CSTPP1: variants seen among roughly 807,000 people sequenced by gnomAD.
The protein encoded by CSTPP1 is UPF0705 protein C11orf49.
At chr11:47,070,087 AG>A in the CSTPP1 span, among the ~76,000 whole-genome samples, 1 of 152,154 alleles carries the variant, frequency 6.6e-6, no homozygotes, top group Non-Finnish European at 1.5e-5. Flanking sequence ...CATTCTCTAA[AG>A]TAGATCTACC....
At chr11:46,993,562 G>C in the CSTPP1 span, among the ~76,000 whole-genome samples, 1 of 151,872 alleles carries the variant, frequency 6.6e-6, no homozygotes, top group African/African-American at 2.4e-5. Context: ...GTTTTTGTCA[G>C]GTTTGTCAAA....
At chr11:46,948,626 G>A in the CSTPP1 span, among the ~76,000 whole-genome samples, 1 of 152,148 alleles carries the variant, frequency 6.6e-6, no homozygotes, top group Non-Finnish European at 1.5e-5. Flanking sequence ...CCCCAAGTGA[G>A]CTGCTTTTAT....
the CSTPP1 span, among the ~76,000 whole-genome samples, chr11:47,092,246 A>G: frequency 5.9e-4 from 90 of 152,300 alleles, no homozygotes; most frequent in Non-Finnish European, 1.2e-3. Flanking sequence ...AGCCTTTCCA[A>G]TGGCTGTAAA....
the CSTPP1 span, among the ~76,000 whole-genome samples, chr11:47,078,292 A>G: frequency 6.6e-6 from 1 of 152,224 alleles, no homozygotes; most frequent in Non-Finnish European, 1.5e-5. Context: ...CAAGAGAACC[A>G]TTTTAGTTGA....
chr11:46,998,074 AC>A, the CSTPP1 span, among the ~76,000 whole-genome samples: 1 of 151,740 alleles, frequency 6.6e-6, no homozygotes, highest in African/African-American at 2.4e-5. Context: ...GAGATCCATT[AC>A]CCTCTTCAAA....
the CSTPP1 span, among the ~76,000 whole-genome samples, chr11:47,128,938 A>T: frequency 6.6e-6 from 1 of 152,138 alleles, no homozygotes; most frequent in South Asian, 2.1e-4. Flanking sequence ...CCCAGAAATA[A>T]ATTTAAAATT....
At chr11:46,967,503 T>C in the CSTPP1 span, among the ~76,000 whole-genome samples, 3 of 152,144 alleles carry the variant, frequency 2.0e-5, no homozygotes, top group African/African-American at 4.8e-5. Flanking sequence ...TCCTCCAACT[T>C]AGTTTTTCTT....
At chr11:47,107,262 T>A in the CSTPP1 span, among the ~76,000 whole-genome samples, 1 of 152,102 alleles carries the variant, frequency 6.6e-6, no homozygotes, top group Admixed American at 6.5e-5. Context: ...TATTAAAGAG[T>A]GTTTGTGAGA....
At chr11:47,116,731 G>A in the CSTPP1 span, among the ~76,000 whole-genome samples, 2 of 138,206 alleles carry the variant, frequency 1.4e-5, no homozygotes, top group South Asian at 5.0e-4. Context: ...GCAGGCTGGA[G>A]TGCACTGGTG....
the CSTPP1 span, among the ~76,000 whole-genome samples, chr11:46,989,971 A>G: frequency 6.6e-6 from 1 of 152,238 alleles, no homozygotes; most frequent in Non-Finnish European, 1.5e-5. Context: ...TACAAAGGAC[A>G]TGATTTCATT....
chr11:46,971,644 AT>A, the CSTPP1 span, among the ~76,000 whole-genome samples: 1,317 of 148,862 alleles, frequency 8.8e-3, 36 homozygotes, highest in Admixed American at 0.058. Context: ...TGATCTTCTA[AT>A]TTTTTTTTTT....
the CSTPP1 span, among the ~76,000 whole-genome samples, chr11:47,062,827 A>T: frequency 6.6e-6 from 1 of 152,234 alleles, no homozygotes; most frequent in Non-Finnish European, 1.5e-5. Flanking sequence ...TGTTTCACAT[A>T]AAAGTCTCAA....
At chr11:47,111,639 C>T in the CSTPP1 span, among the ~76,000 whole-genome samples, 1 of 152,118 alleles carries the variant, frequency 6.6e-6, no homozygotes, top group African/African-American at 2.4e-5. Flanking sequence ...TTCTGAGCAC[C>T]TGCAGAGAAT....
At chr11:46,960,123 T>G in the CSTPP1 span, among the ~76,000 whole-genome samples, 1 of 152,186 alleles carries the variant, frequency 6.6e-6, no homozygotes, top group South Asian at 2.1e-4. Flanking sequence ...TAACTTGGCT[T>G]TCCAAAGTGC....
chr11:46,987,214 G>T, the CSTPP1 span: 1 of 1,613,984 alleles, frequency 6.2e-7, no homozygotes, highest in South Asian at 1.1e-5. Context: ...GCAGCTCAGC[G>T]ACATGTCCTC....
At chr11:47,105,998 G>T in the CSTPP1 span, among the ~76,000 whole-genome samples, 12,362 of 152,186 alleles carry the variant, frequency 0.081, 518 homozygotes, top group Non-Finnish European at 0.09. Flanking sequence ...TAAATTTGGG[G>T]TCAGAGGGAT....
the CSTPP1 span, chr11:46,936,844 G>A: frequency 7.5e-6 from 12 of 1,596,050 alleles, no homozygotes; most frequent in Non-Finnish European, 1.0e-5. Flanking sequence ...CGGACTACGA[G>A]TATCTGGGTA....
the CSTPP1 span, among the ~76,000 whole-genome samples, chr11:47,083,057 C>G: frequency 2.0e-5 from 3 of 151,748 alleles, no homozygotes; most frequent in South Asian, 4.2e-4. Context: ...CCAACAGGCC[C>G]CAGTATGTGT....
At chr11:47,097,527 A>C in the CSTPP1 span, among the ~76,000 whole-genome samples, 1 of 32,670 alleles carries the variant, frequency 3.1e-5, no homozygotes, top group African/African-American at 1.2e-4. Context: ...GGCCGCCCCT[A>C]CTGGGAAGTG....
Sources: gnomAD v4.1 joint callset for allele counts (sites outside exome capture counted in the v4.1 genomes callset) on GRCh38, gnomAD v4.1.1 for gene constraint, MANE v1.5 for transcripts, NCBI Gene and HGNC (gene_info 2026-07-23, HGNC 2026-07-21) for gene names.